PDGFD: variants seen among roughly 807,000 people sequenced by gnomAD.
PDGFD encodes platelet derived growth factor D, also known as platelet-derived growth factor D.
A neutral mutation model predicts 44.7 loss-of-function variants in PDGFD; 30 were observed. The ratio of observed to expected loss-of-function variants is 0.67; its 90% CI spans 0.50 to 0.91. The LOEUF (loss-of-function observed/expected upper bound fraction) is 0.91, where lower values mean the gene tolerates loss of function less well. Among genes scored for constraint, PDGFD ranks in the 40% least tolerant of loss-of-function variants. The probability of loss-of-function intolerance (pLI) is 0.00; values close to 1 mark genes in which losing one functional copy is unlikely to be tolerated. For synonymous variants in PDGFD, 173 were observed against 168.4 expected, an observed-to-expected ratio of 1.03 and a Z score of -0.21; for missense variants, 445 against 457.8, an observed-to-expected ratio of 0.97 and a Z score of 0.25.
At chr11:104,130,756 T>C (rs1218494735) in intron 1 of PDGFD, among the ~76,000 whole-genome samples, 1 of 152,184 alleles carries the variant, frequency 6.6e-6, no homozygotes, top group Non-Finnish European at 1.5e-5. Flanking sequence ...AGACCACCTG[T>C]CTAAAGTTCC....
At chr11:103,957,352 A>G (rs1858867007) in intron 3 of PDGFD, among the ~76,000 whole-genome samples, 1 of 152,314 alleles carries the variant, frequency 6.6e-6, no homozygotes, top group South Asian at 2.1e-4. Flanking sequence ...TCTTCACAGA[A>G]TTGGAAAAAA....
At chr11:104,038,066 T>C (rs1053601648) in intron 1 of PDGFD, 1 of 1,521,846 alleles carries the variant, frequency 6.6e-7, no homozygotes, top group Middle Eastern at 1.7e-4. Flanking sequence ...CCCCGGCAAT[T>C]ATAAGTTAAG....
intron 5 of PDGFD, among the ~76,000 whole-genome samples, chr11:103,939,512 T>G (rs560497430): frequency 6.6e-6 from 1 of 152,298 alleles, no homozygotes; most frequent in African/African-American, 2.4e-5. Context: ...CAGGGACAAT[T>G]TGACTTCCTC....
At chr11:103,976,560 A>G (rs1299901670) in intron 3 of PDGFD, among the ~76,000 whole-genome samples, 2 of 152,096 alleles carry the variant, frequency 1.3e-5, no homozygotes, top group East Asian at 3.8e-4. Context: ...AACTTCCAAT[A>G]GTATGTTGAA....
intron 5 of PDGFD, among the ~76,000 whole-genome samples, chr11:103,929,417 C>T (rs998309200): frequency 6.6e-6 from 1 of 152,162 alleles, no homozygotes; most frequent in Non-Finnish European, 1.5e-5. Context: ...TACAGCATGC[C>T]TTCCCTATAG....
At chr11:104,034,638 C>T (rs1236106627) in intron 1 of PDGFD, among the ~76,000 whole-genome samples, 3 of 135,838 alleles carry the variant, frequency 2.2e-5, no homozygotes, top group African/African-American at 8.0e-5. Context: ...CTGCACAGTG[C>T]AAAACACTTT....
intron 1 of PDGFD, among the ~76,000 whole-genome samples, chr11:104,004,740 G>A (rs1859672896): frequency 2.0e-5 from 3 of 152,034 alleles, no homozygotes; most frequent in East Asian, 1.9e-4. Flanking sequence ...TGCTTATTTT[G>A]TGCCTGGCAT....
chr11:103,938,536 T>C (rs977239848), intron 5 of PDGFD, among the ~76,000 whole-genome samples: 1 of 152,224 alleles, frequency 6.6e-6, no homozygotes, highest in African/African-American at 2.4e-5. Flanking sequence ...TTTCTTTTGC[T>C]GTGCAGAAGC....
At chr11:104,107,092 C>T (rs920645506) in intron 1 of PDGFD, among the ~76,000 whole-genome samples, 2 of 152,058 alleles carry the variant, frequency 1.3e-5, no homozygotes, top group African/African-American at 4.8e-5. Context: ...GAGACCACTT[C>T]CATGATTAGA....
At chr11:104,060,380 T>C (rs1469273597) in intron 1 of PDGFD, among the ~76,000 whole-genome samples, 1 of 152,190 alleles carries the variant, frequency 6.6e-6, no homozygotes, top group East Asian at 1.9e-4. Context: ...ACCAGGTAGC[T>C]GGCCCAGAGG....
intron 1 of PDGFD, among the ~76,000 whole-genome samples, chr11:104,006,201 A>G (rs796944332): frequency 6.6e-6 from 1 of 152,288 alleles, no homozygotes; most frequent in African/African-American, 2.4e-5. Flanking sequence ...TCTGTTAGGA[A>G]TGTAAATTCT....
At chr11:103,948,151 C>T (rs780130432) in intron 3 of PDGFD, among the ~76,000 whole-genome samples, 36 of 152,266 alleles carry the variant, frequency 2.4e-4, no homozygotes, top group Admixed American at 6.5e-4. Flanking sequence ...TAATAATTAT[C>T]ATTATTGACA....
At chr11:104,003,454 A>G (rs1200199207) in intron 1 of PDGFD, among the ~76,000 whole-genome samples, 1 of 152,248 alleles carries the variant, frequency 6.6e-6, no homozygotes, top group Non-Finnish European at 1.5e-5. Flanking sequence ...TGGAGCATCA[A>G]GGTCTCCTAG....
chr11:104,042,303 A>T (rs1214966989), intron 1 of PDGFD, among the ~76,000 whole-genome samples: 5 of 152,178 alleles, frequency 3.3e-5, no homozygotes, highest in Non-Finnish European at 7.3e-5. Flanking sequence ...TTGCTTTTGA[A>T]TCCCAGCTTC....
chr11:104,132,244 T>A (rs1565344557), intron 1 of PDGFD, among the ~76,000 whole-genome samples: 1 of 152,102 alleles, frequency 6.6e-6, no homozygotes, highest in Non-Finnish European at 1.5e-5. Context: ...ACTGAATAGA[T>A]AAAAGTTCTA....
intron 1 of PDGFD, among the ~76,000 whole-genome samples, chr11:104,155,477 T>G (rs187338846): frequency 1.6e-3 from 243 of 152,324 alleles, no homozygotes; most frequent in Middle Eastern, 3.4e-3. Flanking sequence ...GGAAAACTAC[T>G]AGCTGTCATT....
intron 1 of PDGFD, among the ~76,000 whole-genome samples, chr11:104,150,552 T>C (rs994164772): frequency 3.9e-5 from 6 of 152,316 alleles, no homozygotes; most frequent in African/African-American, 1.4e-4. Context: ...ATTATTATCT[T>C]ACAGTTCTGG....
intron 3 of PDGFD, among the ~76,000 whole-genome samples, chr11:103,977,805 G>A (rs557023470): frequency 1.3e-5 from 2 of 152,162 alleles, no homozygotes; most frequent in African/African-American, 4.8e-5. Context: ...AGGGTAATGG[G>A]ATCTAATATG....
At chr11:103,931,672 C>T (rs73614218) in intron 5 of PDGFD, among the ~76,000 whole-genome samples, 7,407 of 152,080 alleles carry the variant, frequency 0.049, 312 homozygotes, top group African/African-American at 0.11. Flanking sequence ...CCATAACTTC[C>T]GCCTCCCAGG....
Sources: gnomAD v4.1 joint callset for allele counts (sites outside exome capture counted in the v4.1 genomes callset) on GRCh38, gnomAD v4.1.1 for gene constraint, MANE v1.5 for transcripts, NCBI Gene and HGNC (gene_info 2026-07-23, HGNC 2026-07-21) for gene names.